CDH13: variants seen among roughly 807,000 people sequenced by gnomAD.
CDH13 encodes the protein cadherin 13, also known as cadherin-13.
CDH13 carries 24 observed loss-of-function variants against 63.8 expected under a neutral mutation model. The observed-to-expected ratio is 0.38, with a 90% CI of 0.27 to 0.53. The LOEUF (loss-of-function observed/expected upper bound fraction) is 0.53, where lower values mean the gene tolerates loss of function less well. CDH13 is among the 20% of genes least tolerant of loss of function. CDH13 has a pLI of 0.85. For missense variants in CDH13, 1,049 were observed against 903.1 expected (o/e 1.16, Z -2.07); for synonymous variants, 503 against 355.3 (o/e 1.42, Z -4.67).
chr16:83,679,363 G>C (rs1356013765), intron 10 of CDH13, among the ~76,000 whole-genome samples: 1 of 152,192 alleles, frequency 6.6e-6, no homozygotes, highest in African/African-American at 2.4e-5. Flanking sequence ...CTTCTCATAT[G>C]AGGTACAAAT....
At chr16:83,400,512 AC>A (rs1354003871) in intron 6 of CDH13, among the ~76,000 whole-genome samples, 2 of 152,178 alleles carry the variant, frequency 1.3e-5, no homozygotes, top group African/African-American at 4.8e-5. Flanking sequence ...CAATTTGGCA[AC>A]CCTGGGTTCT....
At chr16:82,910,410 C>T (rs776074639) in intron 2 of CDH13, among the ~76,000 whole-genome samples, 20 of 152,314 alleles carry the variant, frequency 1.3e-4, no homozygotes, top group Non-Finnish European at 2.6e-4. Context: ...ATCCCTCCAG[C>T]CCCTACCTTT....
chr16:82,697,772 TG>T (rs1300287384), intron 1 of CDH13, among the ~76,000 whole-genome samples: 1 of 95,722 alleles, frequency 1.0e-5, no homozygotes, highest in East Asian at 3.5e-4. Flanking sequence ...TGTGTGTGTG[TG>T]TGTGTGTGTG....
chr16:82,657,910 T>G (rs1385051395), intron 1 of CDH13, among the ~76,000 whole-genome samples: 2 of 152,208 alleles, frequency 1.3e-5, no homozygotes, highest in African/African-American at 4.8e-5. Flanking sequence ...CTTTGTTTTC[T>G]TTTCTTATCT....
chr16:83,778,823 C>G (rs1021894550), intron 11 of CDH13, among the ~76,000 whole-genome samples: 2 of 152,118 alleles, frequency 1.3e-5, no homozygotes, highest in East Asian at 3.9e-4. Context: ...TTTTCACCCC[C>G]AGAAGAAAAT....
At chr16:83,258,296 A>C (rs1906534147) in intron 5 of CDH13, among the ~76,000 whole-genome samples, 1 of 152,222 alleles carries the variant, frequency 6.6e-6, no homozygotes, top group Non-Finnish European at 1.5e-5. Flanking sequence ...GGTATATTCT[A>C]TGTGAAATTG....
intron 1 of CDH13, among the ~76,000 whole-genome samples, chr16:82,750,854 G>A (rs149441761): frequency 4.4e-4 from 67 of 152,106 alleles, no homozygotes; most frequent in Middle Eastern, 3.4e-3. Flanking sequence ...GCATTCTTCC[G>A]GCAAATATTT....
intron 4 of CDH13, among the ~76,000 whole-genome samples, chr16:83,171,989 A>G (rs944021051): frequency 2.6e-5 from 4 of 152,132 alleles, no homozygotes; most frequent in African/African-American, 7.2e-5. Context: ...GGTAGCTGCT[A>G]TGGTTGAAAC....
intron 5 of CDH13, among the ~76,000 whole-genome samples, chr16:83,286,252 C>A (rs868832547): frequency 5.3e-5 from 8 of 152,274 alleles, no homozygotes; most frequent in Non-Finnish European, 1.2e-4. Context: ...CCTCTCTGCA[C>A]GATGCCAGTT....
chr16:83,470,818 A>G (rs760094233), intron 6 of CDH13, among the ~76,000 whole-genome samples: 12 of 152,172 alleles, frequency 7.9e-5, no homozygotes, highest in Non-Finnish European at 1.5e-4. Flanking sequence ...ATTGCTACAT[A>G]TTTATGGTTT....
intron 6 of CDH13, among the ~76,000 whole-genome samples, chr16:83,415,328 C>T (rs954723664): frequency 6.6e-6 from 1 of 152,086 alleles, no homozygotes; most frequent in Non-Finnish European, 1.5e-5. Flanking sequence ...AGATGTTTGG[C>T]CCACCAAACA....
At chr16:83,101,239 T>C (rs1387810191) in intron 3 of CDH13, among the ~76,000 whole-genome samples, 1 of 150,608 alleles carries the variant, frequency 6.6e-6, no homozygotes, top group Non-Finnish European at 1.5e-5. Flanking sequence ...ATATACTATA[T>C]ACTATAAGTA....
intron 7 of CDH13, among the ~76,000 whole-genome samples, chr16:83,499,364 A>T (rs975800760): frequency 3.9e-5 from 6 of 152,180 alleles, no homozygotes; most frequent in Non-Finnish European, 4.4e-5. Context: ...TCCTGTTGGG[A>T]CTATGGTTGA....
intron 2 of CDH13, among the ~76,000 whole-genome samples, chr16:82,891,381 G>C (rs1238715969): frequency 6.6e-6 from 1 of 152,066 alleles, no homozygotes; most frequent in Non-Finnish European, 1.5e-5. Context: ...TCTGGAGTTG[G>C]GCATCTCTTC....
intron 2 of CDH13, among the ~76,000 whole-genome samples, chr16:82,966,169 G>T (rs1449150609): frequency 6.6e-6 from 1 of 152,060 alleles, no homozygotes; most frequent in Non-Finnish European, 1.5e-5. Flanking sequence ...GTTTGTTTGA[G>T]ACAAAGACTC....
intron 3 of CDH13, among the ~76,000 whole-genome samples, chr16:83,052,851 A>T (rs529450558): frequency 1.3e-5 from 2 of 152,022 alleles, no homozygotes; most frequent in Non-Finnish European, 2.9e-5. Flanking sequence ...ACAGATCATC[A>T]GCAATGATTA....
chr16:83,382,569 C>G (rs2091589670), intron 6 of CDH13, among the ~76,000 whole-genome samples: 1 of 152,122 alleles, frequency 6.6e-6, no homozygotes, highest in Admixed American at 6.5e-5. Flanking sequence ...GCATAACCAC[C>G]ATGCAAACCC....
At chr16:83,533,388 G>T (rs183139337) in intron 7 of CDH13, among the ~76,000 whole-genome samples, 1 of 152,100 alleles carries the variant, frequency 6.6e-6, no homozygotes, top group Non-Finnish European at 1.5e-5. Context: ...AGACAAGATG[G>T]GAGGTGCCTC....
chr16:83,579,324 A>T (rs1042429411), intron 7 of CDH13, among the ~76,000 whole-genome samples: 2 of 152,174 alleles, frequency 1.3e-5, no homozygotes, highest in African/African-American at 4.8e-5. Context: ...AATACCTGAG[A>T]CTGGGCAATA....
Sources: gnomAD v4.1 joint callset for allele counts (sites outside exome capture counted in the v4.1 genomes callset) on GRCh38, gnomAD v4.1.1 for gene constraint, MANE v1.5 for transcripts, NCBI Gene and HGNC (gene_info 2026-07-23, HGNC 2026-07-21) for gene names.